HPSE2: variants seen among roughly 807,000 people sequenced by gnomAD.
The protein encoded by HPSE2 is inactive heparanase-2.
Under a neutral mutation model 60.5 loss-of-function variants are expected in HPSE2, and 38 were observed. The ratio of observed to expected loss-of-function variants is 0.63; its 90% confidence interval spans 0.48 to 0.82. The LOEUF (loss-of-function observed/expected upper bound fraction) is 0.82, where lower values mean the gene tolerates loss of function less well. HPSE2 is among the 40% of genes least tolerant of loss of function. HPSE2 has a pLI of 0.00. For synonymous variants in HPSE2, 295 were observed against 293.2 expected (o/e 1.01, Z -0.06); for missense variants, 713 against 740.4 (o/e 0.96, Z 0.43).
At chr10:99,213,745 C>T (rs1437752168) in intron 2 of HPSE2, among the ~76,000 whole-genome samples, 3 of 152,166 alleles carry the variant, frequency 2.0e-5, no homozygotes, top group East Asian at 3.9e-4. Flanking sequence ...AATCCTGGCT[C>T]TGTTCCTTAT....
Position 98,626,874 on chromosome 10 carries a change from C to T in HPSE2, c.1099-6166G>A, listed in dbSNP as rs569048103. Among the ~76,000 whole-genome samples the T allele has an allele frequency of 3.9e-5, 6 of 152,104 alleles. No homozygotes were observed. The East Asian group carries it at 5.8e-4, about 15-fold the overall frequency. On this transcript the variant is annotated intron_variant, in intron 7 of 11. Transcript: ENST00000370552. ...TTGCAAGCTCCCCCTCCTGGGTTCA[C>T]GCCATTCTCCTGCTTCAGCCTCCTG...
chr10:99,234,393 A>G (rs1261498754), intron 1 of HPSE2, among the ~76,000 whole-genome samples: 1 of 152,184 alleles, frequency 6.6e-6, no homozygotes, highest in Non-Finnish European at 1.5e-5. Context: ...TTTCGCAAGG[A>G]GTGAAAAATA....
chr10:98,623,977 G>A (rs1565025303), intron 7 of HPSE2, among the ~76,000 whole-genome samples: 2 of 152,214 alleles, frequency 1.3e-5, no homozygotes, highest in South Asian at 4.1e-4. Context: ...TAAACATGAG[G>A]CTAGAAAGGG....
intron 9 of HPSE2, among the ~76,000 whole-genome samples, chr10:98,608,522 C>T (rs961831269): frequency 2.0e-5 from 3 of 152,184 alleles, no homozygotes; most frequent in African/African-American, 7.2e-5. Flanking sequence ...GTGCAGAGCA[C>T]AGGCTCTGAT....
intron 9 of HPSE2, among the ~76,000 whole-genome samples, chr10:98,505,545 C>T (rs911237267): frequency 2.0e-5 from 3 of 152,194 alleles, no homozygotes; most frequent in Admixed American, 2.0e-4. Flanking sequence ...TCCTTGCCCA[C>T]ACTCATCACT....
At chr10:98,709,414 T>C (rs969849209) in intron 5 of HPSE2, among the ~76,000 whole-genome samples, 1 of 152,202 alleles carries the variant, frequency 6.6e-6, no homozygotes, top group Non-Finnish European at 1.5e-5. Flanking sequence ...GTGGAAGATC[T>C]TGGTTTTCCA....
At chr10:98,973,421 A>C (rs1325972599) in intron 3 of HPSE2, among the ~76,000 whole-genome samples, 2 of 152,178 alleles carry the variant, frequency 1.3e-5, no homozygotes, top group Non-Finnish European at 2.9e-5. Flanking sequence ...TACCCAAGTA[A>C]AAGCACCAAG....
At chr10:98,909,635 T>TAAAA (rs770316849) in intron 3 of HPSE2, among the ~76,000 whole-genome samples, 25 of 134,860 alleles carry the variant, frequency 1.9e-4, no homozygotes, top group African/African-American at 6.7e-4. Context: ...TCTCAAAATT[T>TAAAA]AAAAAAAAAA....
chr10:98,942,293 A>G (rs1320778810), intron 3 of HPSE2, among the ~76,000 whole-genome samples: 1 of 143,484 alleles, frequency 7.0e-6, no homozygotes, highest in Non-Finnish European at 1.5e-5. Flanking sequence ...GTGAACAGGA[A>G]ACCTATAAAA....
intron 3 of HPSE2, among the ~76,000 whole-genome samples, chr10:99,127,456 T>A (rs1218972548): frequency 6.6e-6 from 1 of 152,078 alleles, no homozygotes; most frequent in African/African-American, 2.4e-5. Flanking sequence ...GAAAAAAGAA[T>A]TTGAGAAAAA....
chr10:99,195,126 A>G (rs1181513220), intron 2 of HPSE2, among the ~76,000 whole-genome samples: 1 of 152,152 alleles, frequency 6.6e-6, no homozygotes, highest in Admixed American at 6.5e-5. Context: ...AAGAAGGACA[A>G]AAAAAGATCA....
chr10:98,688,816 T>C (rs939802863), intron 6 of HPSE2, among the ~76,000 whole-genome samples: 7 of 151,950 alleles, frequency 4.6e-5, no homozygotes, highest in East Asian at 1.9e-4. Context: ...CTGGCTTTCA[T>C]TGATAAAAAA....
intron 4 of HPSE2, among the ~76,000 whole-genome samples, chr10:98,723,801 G>T (rs978670575): frequency 2.6e-5 from 4 of 152,010 alleles, no homozygotes; most frequent in Non-Finnish European, 5.9e-5. Context: ...CTGTGGGATC[G>T]GTGGTGATAT....
chr10:98,508,957 T>C (rs1029786506), intron 9 of HPSE2, among the ~76,000 whole-genome samples: 4 of 152,192 alleles, frequency 2.6e-5, no homozygotes, highest in African/African-American at 9.7e-5. Context: ...AACGGCATTA[T>C]TCAATTTACT....
intron 3 of HPSE2, among the ~76,000 whole-genome samples, chr10:99,096,960 C>T (rs764385945): frequency 1.3e-5 from 2 of 152,182 alleles, no homozygotes; most frequent in Admixed American, 1.3e-4. Context: ...CCATGCCAGA[C>T]AGGGTGGACC....
At chr10:98,920,235 G>T (rs1954243550) in intron 3 of HPSE2, among the ~76,000 whole-genome samples, 4 of 152,142 alleles carry the variant, frequency 2.6e-5, no homozygotes, top group Admixed American at 2.6e-4. Flanking sequence ...TCCCAGCCTG[G>T]CCAAGACTTT....
At chr10:98,864,767 T>C (rs942948798) in intron 3 of HPSE2, among the ~76,000 whole-genome samples, 5 of 152,204 alleles carry the variant, frequency 3.3e-5, no homozygotes, top group Admixed American at 6.5e-5. Context: ...ACATTCATTG[T>C]CTGATTAAGC....
chr10:98,514,296 T>C (rs1044065477), intron 9 of HPSE2, among the ~76,000 whole-genome samples: 1 of 152,124 alleles, frequency 6.6e-6, no homozygotes. Flanking sequence ...ATATTGCATA[T>C]GGTTACAGAG....
At chr10:98,748,866 A>G (rs1949688561) in intron 3 of HPSE2, among the ~76,000 whole-genome samples, 1 of 152,014 alleles carries the variant, frequency 6.6e-6, no homozygotes, top group Non-Finnish European at 1.5e-5. Context: ...CAAACTGAGG[A>G]GGAAAAGGAC....
Sources: gnomAD v4.1 joint callset for allele counts (sites outside exome capture counted in the v4.1 genomes callset) on GRCh38, gnomAD v4.1.1 for gene constraint, MANE v1.5 for transcripts, NCBI Gene and HGNC (gene_info 2026-07-23, HGNC 2026-07-21) for gene names.